Variants in LMAN1 observed in about 807,000 individuals in gnomAD.
LMAN1 encodes lectin, mannose binding 1.
A neutral mutation model predicts 67.8 loss-of-function variants in LMAN1; 32 were observed. That is an observed-to-expected ratio of 0.47 (90% CI 0.36 to 0.63). The LOEUF (loss-of-function observed/expected upper bound fraction) is 0.63, where lower values mean the gene tolerates loss of function less well. LMAN1 is among the 30% of genes least tolerant of loss of function. LMAN1 has a pLI of 0.00. For missense variants in LMAN1, 632 were observed against 628.2 expected (o/e 1.01, Z -0.06); for synonymous variants, 235 against 219.3 (o/e 1.07, Z -0.63).
In LMAN1 at chr18:59,356,100, A is replaced by C. The variant is rs146531885; in HGVS notation, c.215-442T>G. On this transcript the variant is annotated intron_variant, in intron 1 of 12. Coordinates refer to ENST00000251047, the MANE Select transcript of LMAN1 (RefSeq NM_005570.4). ...AGTTCAGCTGTGTGACTTTGAGCAA[A>C]TAATTCTCTTATTCTCTTGGATTCA... Among the ~76,000 whole-genome samples the C allele has an allele frequency of 8.1e-4, 124 of 152,308 alleles. 1 individual carries two copies. Among genetic ancestry groups the C allele is most frequent in the African/African-American group, 2.9e-3 (119 of 41,560 alleles).
intron 10 of LMAN1, among the ~76,000 whole-genome samples, chr18:59,335,669 A>C (rs1431899851): frequency 6.6e-6 from 1 of 152,048 alleles, no homozygotes; most frequent in Non-Finnish European, 1.5e-5. Context: ...ATTTAAATCA[A>C]CCAGGATATA....
intron 8 of LMAN1, among the ~76,000 whole-genome samples, chr18:59,344,054 TA>T (rs1052333300): frequency 6.6e-6 from 1 of 152,090 alleles, no homozygotes; most frequent in Non-Finnish European, 1.5e-5. Context: ...TCAACATCAC[TA>T]ATCATCAAAA....
At chr18:59,348,994 G>C in intron 6 of LMAN1, 119 bp downstream of exon 6, 2 of 1,202,068 alleles carry the variant, frequency 1.7e-6, no homozygotes, top group Non-Finnish European at 1.2e-6. Context: ...GAGGTGATGG[G>C]AAAGTTCCAA....
chr18:59,349,017 A>G, intron 6 of LMAN1, 96 bp downstream of exon 6: 1 of 1,424,950 alleles, frequency 7.0e-7, no homozygotes, highest in Admixed American at 1.7e-5. Flanking sequence ...AGTCTTAAAA[A>G]GTTATTAGTA....
At chr18:59,342,769 G>A (rs964466452) in intron 8 of LMAN1, among the ~76,000 whole-genome samples, 2 of 151,718 alleles carry the variant, frequency 1.3e-5, no homozygotes, top group Non-Finnish European at 2.9e-5. Context: ...TCACTCTTAC[G>A]TGTAATAACA....
chr18:59,342,269 C>T (rs1908305379), intron 8 of LMAN1, among the ~76,000 whole-genome samples: 2 of 151,880 alleles, frequency 1.3e-5, no homozygotes, highest in South Asian at 4.1e-4. Flanking sequence ...ACCAATTCTC[C>T]TGAAATTATT....
chr18:59,347,933 C>T (rs1339638571), intron 6 of LMAN1, among the ~76,000 whole-genome samples: 1 of 152,214 alleles, frequency 6.6e-6, no homozygotes, highest in Non-Finnish European at 1.5e-5. Context: ...CCATGGTTTC[C>T]CACAAATCTC....
At chr18:59,346,426 T>C (rs755749512) in intron 7 of LMAN1, among the ~76,000 whole-genome samples, 15 of 151,882 alleles carry the variant, frequency 9.9e-5, no homozygotes, top group Admixed American at 3.3e-4. Context: ...AGTTTCACTG[T>C]GTTGTCCAGG....
In LMAN1 at chr18:59,338,575, C is replaced by T. The variant is rs368666637; in HGVS notation, c.1202G>A (p.Arg401Lys). The T allele has an allele frequency of 5.0e-6, 8 of 1,613,448 alleles. No homozygotes were observed. The African/African-American group carries it at 1.1e-4, about 22-fold the overall frequency. The change falls in exon 10 of 13, where the codon AGA becomes AAA. Residue 401 changes from arginine (R) to lysine (K), a missense_variant. Coordinates refer to ENST00000251047, the MANE Select transcript of LMAN1 (RefSeq NM_005570.4). ...TACTTACTTCATTTCATTTACTTGT[C>T]TCAGAATCTCATGCTGAGTTTTCAC... is the stretch of plus-strand genomic sequence containing the variant. ...TVVKTQHEILRQVNEMKNSMS... is the reference protein window; with the variant it reads ...TVVKTQHEILKQVNEMKNSMS...
intron 3 of LMAN1, 97 bp from the exon 4 acceptor site, chr18:59,354,677 A>G: frequency 1.6e-6 from 1 of 630,258 alleles, no homozygotes; most frequent in Admixed American, 3.0e-5. Context: ...CTAAGATTCT[A>G]GGACTCAAAA....
At position 59,345,961 on chromosome 18, in the gene LMAN1, CT is replaced by C. The variant is rs746845401; in HGVS notation, c.912del (p.Glu305ArgfsTer22). On this transcript the variant is annotated frameshift_variant, in exon 8 of 13. Transcript: ENST00000251047. LOFTEE classifies it high-confidence loss of function. ...EHFQQELDKK[K>X]EEFQKGHPDL... ...TCGGGGTGGCCCTTCTGGAATTCCT[CT>C]TTTTTTTTATCCAATTCTTGTTGAA... The C allele has an allele frequency of 1.0e-5, 16 of 1,602,944 alleles. No individual in the cohort carries two copies. Among genetic ancestry groups the C allele is most frequent in the South Asian group, 2.2e-5 (2 of 90,638 alleles).
intron 10 of LMAN1, 90 bp from the exon 11 acceptor site, chr18:59,333,334 T>A: frequency 1.0e-6 from 1 of 956,148 alleles, no homozygotes; most frequent in Non-Finnish European, 1.6e-6. Flanking sequence ...TTTTCAAGTC[T>A]AATATATTAC....
intron 4 of LMAN1, among the ~76,000 whole-genome samples, chr18:59,353,504 A>G (rs1908592206): frequency 6.6e-6 from 1 of 152,198 alleles, no homozygotes; most frequent in Non-Finnish European, 1.5e-5. Context: ...CTGGGCTTTT[A>G]ACATGTAGAT....
At chr18:59,342,570 A>G (rs1454606612) in intron 8 of LMAN1, among the ~76,000 whole-genome samples, 1 of 152,118 alleles carries the variant, frequency 6.6e-6, no homozygotes, top group East Asian at 1.9e-4. Context: ...AACAAAACAC[A>G]TGATCATTTC....
chr18:59,334,124 A>C (rs958533523), intron 10 of LMAN1, among the ~76,000 whole-genome samples: 3 of 152,258 alleles, frequency 2.0e-5, no homozygotes, highest in African/African-American at 4.8e-5. Context: ...AATAATACCA[A>C]GACCAAAACC....
chr18:59,342,471 C>A (rs546336367), intron 8 of LMAN1, among the ~76,000 whole-genome samples: 3 of 151,956 alleles, frequency 2.0e-5, no homozygotes, highest in Non-Finnish European at 1.5e-5. Flanking sequence ...TAATACAGCA[C>A]GATCAAGGTG....
chr18:59,344,104 C>G (rs1489948694), intron 8 of LMAN1, among the ~76,000 whole-genome samples: 1 of 152,130 alleles, frequency 6.6e-6, no homozygotes, highest in Non-Finnish European at 1.5e-5. Flanking sequence ...CTATCTTACA[C>G]AAGTCACAAT....
At chr18:59,352,405 A>G (rs1908563023) in intron 5 of LMAN1, among the ~76,000 whole-genome samples, 1 of 152,190 alleles carries the variant, frequency 6.6e-6, no homozygotes, top group Admixed American at 6.5e-5. Context: ...TGCAAATCTG[A>G]TAATTTCACT....
rs8096438 is a variant in LMAN1 at position 59,329,440 on chromosome 18, A to T, written c.*1653T>A. The T allele has an allele frequency of 1.8e-3, 281 of 152,114 alleles. No homozygotes were observed. Among genetic ancestry groups the T allele is most frequent in the African/African-American group, 6.6e-3 (275 of 41,492 alleles). 9.4% of individuals were successfully genotyped at this position (152,114 alleles called of 1,614,324 possible). A position where few individuals can be genotyped will look rare whatever the true frequency, so the allele number is the denominator to read the frequency against. ...TTAAATATTCCTCTGAAGGTATTTA[A>T]TTTTTTTTCATGGAGCAAGAGTAAA... On this transcript the variant is annotated 3_prime_UTR_variant, in exon 13 of 13. Transcript: ENST00000251047.
Sources: gnomAD v4.1 joint callset for allele counts (sites outside exome capture counted in the v4.1 genomes callset) on GRCh38, gnomAD v4.1.1 for gene constraint, MANE v1.5 for transcripts, NCBI Gene and HGNC (gene_info 2026-07-23, HGNC 2026-07-21) for gene names.